Variants in NRXN1 observed in about 807,000 individuals in gnomAD.
NRXN1 encodes the protein neurexin-1.
NRXN1 carries 39 observed loss-of-function variants against 150.9 expected under a neutral mutation model. The ratio of observed to expected loss-of-function variants is 0.26; its 90% CI spans 0.20 to 0.34. The LOEUF (loss-of-function observed/expected upper bound fraction) is 0.34. NRXN1 is among the 10% of genes least tolerant of loss of function. NRXN1 has a pLI of 1.00. For synonymous variants in NRXN1, 924 were observed against 757.0 expected (o/e 1.22, Z -3.62); for missense variants, 1,815 against 1,949.9 (o/e 0.93, Z 1.30).
chr2:50,212,552 T>C (rs2063110830), intron 18 of NRXN1, among the ~76,000 whole-genome samples: 2 of 151,750 alleles, frequency 1.3e-5, no homozygotes, highest in Admixed American at 6.6e-5. Flanking sequence ...ACTGAATAAA[T>C]GGCAAAGTTT....
intron 2 of NRXN1, among the ~76,000 whole-genome samples, chr2:50,965,856 T>A (rs1387776552): frequency 6.6e-6 from 1 of 151,614 alleles, no homozygotes; most frequent in Non-Finnish European, 1.5e-5. Flanking sequence ...GTGTTCATTA[T>A]TTTTTAGGCT....
chr2:50,006,759 C>G (rs1254657375), intron 21 of NRXN1, among the ~76,000 whole-genome samples: 2 of 152,112 alleles, frequency 1.3e-5, no homozygotes, highest in African/African-American at 4.8e-5. Flanking sequence ...CACTTTACTA[C>G]TATTGCATAC....
intron 19 of NRXN1, among the ~76,000 whole-genome samples, chr2:50,070,057 AG>A (rs1161665626): frequency 2.0e-5 from 3 of 151,854 alleles, no homozygotes; most frequent in Admixed American, 2.0e-4. Context: ...TCACCGTGTT[AG>A]CCAGGGTGAT....
At chr2:50,541,550 C>A (rs1257441194) in intron 9 of NRXN1, among the ~76,000 whole-genome samples, 7 of 152,058 alleles carry the variant, frequency 4.6e-5, no homozygotes, top group Non-Finnish European at 8.8e-5. Flanking sequence ...TAAGAGAGTT[C>A]AAATAAGTTA....
At chr2:50,435,132 C>T (rs2085315617) in intron 17 of NRXN1, among the ~76,000 whole-genome samples, 1 of 151,938 alleles carries the variant, frequency 6.6e-6, no homozygotes, top group East Asian at 1.9e-4. Context: ...GAAAAAAGTA[C>T]ACGGTTGCTA....
At chr2:50,074,940 C>T (rs749220232) in intron 19 of NRXN1, among the ~76,000 whole-genome samples, 6 of 152,146 alleles carry the variant, frequency 3.9e-5, no homozygotes, top group Non-Finnish European at 7.4e-5. Context: ...GGCCTTCTGG[C>T]ATATTCAATA....
intron 5 of NRXN1, among the ~76,000 whole-genome samples, chr2:50,785,740 G>C (rs1459958773): frequency 6.6e-6 from 1 of 152,070 alleles, no homozygotes; most frequent in Non-Finnish European, 1.5e-5. Context: ...GCTTCTGCTT[G>C]GTAGTTTTGC....
chr2:50,344,545 T>A (rs930504951), intron 17 of NRXN1, among the ~76,000 whole-genome samples: 2 of 152,166 alleles, frequency 1.3e-5, no homozygotes, highest in African/African-American at 4.8e-5. Flanking sequence ...CCAACCACTA[T>A]ACACACAACA....
intron 2 of NRXN1, among the ~76,000 whole-genome samples, chr2:51,019,553 A>G (rs1669272023): frequency 6.6e-6 from 1 of 152,088 alleles, no homozygotes; most frequent in African/African-American, 2.4e-5. Flanking sequence ...ATATTTGCAG[A>G]TTTAGAAAAT....
chr2:50,669,477 T>G (rs986374390), intron 5 of NRXN1, among the ~76,000 whole-genome samples: 1 of 152,024 alleles, frequency 6.6e-6, no homozygotes, highest in Admixed American at 6.6e-5. Context: ...TAATCACTAT[T>G]TATTATCCTC....
At chr2:50,316,697 G>C (rs1575059055) in intron 17 of NRXN1, among the ~76,000 whole-genome samples, 1 of 151,998 alleles carries the variant, frequency 6.6e-6, no homozygotes, top group African/African-American at 2.4e-5. Context: ...AGATTAATAA[G>C]TAACAAACAC....
chr2:50,531,277 G>C lies in NRXN1; in HGVS notation c.2297C>G (p.Thr766Ser), dbSNP rs1481154565. 1 of 1,613,476 alleles carries C rather than the reference G, an allele frequency of 6.2e-7. No homozygotes were observed. Among genetic ancestry groups the C allele is most frequent in the Non-Finnish European group, 8.5e-7 (1 of 1,179,730 alleles). Reference protein sequence around the residue: ...MATTSRDSADTLRLELDAGRV... With the variant: ...MATTSRDSADSLRLELDAGRV... ...TCCTGCGTCTAGCTCCAGGCGGAGG[G>C]TGTCAGCAGAGTCTCTAGAAGTGGT... The change falls in exon 11 of 23, where the codon ACC becomes AGC. Residue 766 changes from threonine (T) to serine (S), a missense_variant. This residue lies in a region of NRXN1 where 638 missense variants were observed against 652.6 expected (regional missense o/e 0.98). Coordinates refer to ENST00000401669, the MANE Select transcript of NRXN1 (RefSeq NM_001330078.2).
intron 13 of NRXN1, among the ~76,000 whole-genome samples, chr2:50,499,992 G>A (rs1217071600): frequency 6.7e-6 from 1 of 149,696 alleles, no homozygotes; most frequent in South Asian, 2.1e-4. Flanking sequence ...ATATCCCTTT[G>A]GGTTGATTTT....
rs560493188 is a variant in NRXN1 at position 50,209,868 on chromosome 2, C to T, written c.3546+26921G>A. 2.6e-5 allele frequency among the ~76,000 whole-genome samples: 3 copies of T among 114,548 alleles called. No homozygotes were observed. In the East Asian group the frequency reaches 9.6e-4, roughly 37 times the overall value. 75.1% of individuals were successfully genotyped at this position (114,548 alleles called of 152,430 possible). On this transcript the variant is annotated intron_variant, in intron 18 of 22. Coordinates refer to ENST00000401669, the MANE Select transcript of NRXN1 (RefSeq NM_001330078.2). ...TGTACTTAAAGCCTCTGCAATAATTCACTTTGTAACCACTGTATATATTTA... is the reference window on the plus strand; with the variant it reads ...TGTACTTAAAGCCTCTGCAATAATTTACTTTGTAACCACTGTATATATTTA...
intron 18 of NRXN1, among the ~76,000 whole-genome samples, chr2:50,235,628 A>C (rs2065342788): frequency 6.6e-6 from 1 of 152,104 alleles, no homozygotes; most frequent in South Asian, 2.1e-4. Context: ...TTTCTTAATT[A>C]TTTTAGAACT....
chr2:50,357,260 T>A (rs138278876), intron 17 of NRXN1, among the ~76,000 whole-genome samples: 11 of 152,036 alleles, frequency 7.2e-5, no homozygotes, highest in Non-Finnish European at 1.6e-4. Context: ...AGAGATCCCA[T>A]CTCTACATAA....
chr2:50,719,557 T>A (rs1364654449), intron 5 of NRXN1, among the ~76,000 whole-genome samples: 2 of 151,912 alleles, frequency 1.3e-5, no homozygotes, highest in Non-Finnish European at 2.9e-5. Flanking sequence ...ACGCCTGTAA[T>A]CCCAGCTACT....
chr2:50,301,708 G>T (rs766345590), intron 17 of NRXN1, among the ~76,000 whole-genome samples: 1 of 152,128 alleles, frequency 6.6e-6, no homozygotes, highest in Admixed American at 6.5e-5. Context: ...GCAAAGATGT[G>T]CTCTGACAAT....
rs183577292 is a variant in NRXN1, at chr2:50,739,067, G to C, written c.833-115452C>G. 2.0e-5 allele frequency among the ~76,000 whole-genome samples: 3 copies of C among 152,186 alleles called. No individual in the cohort carries two copies. In the East Asian group the frequency reaches 5.8e-4, roughly 29 times the overall value. ...TCTCAGCAGGAATTTTACCTACAAAGAAATATAAAACTAGACTCCACATTT... is the reference window on the plus strand; with the variant it reads ...TCTCAGCAGGAATTTTACCTACAAACAAATATAAAACTAGACTCCACATTT... On this transcript the variant is annotated intron_variant, in intron 5 of 22. Coordinates refer to ENST00000401669, the MANE Select transcript of NRXN1 (RefSeq NM_001330078.2).
Sources: gnomAD v4.1 joint callset for allele counts (sites outside exome capture counted in the v4.1 genomes callset) on GRCh38, gnomAD v4.1.1 for gene constraint, gnomAD v4.1.1 regional missense constraint, MANE v1.5 for transcripts, NCBI Gene and HGNC (gene_info 2026-07-23, HGNC 2026-07-21) for gene names.